The following VIT variants were observed in gnomAD, a reference collection of about 807,000 sequenced individuals.
VIT encodes vitrin.
In VIT, 99 loss-of-function variants were observed where a neutral mutation model predicts 78.0. That is an observed-to-expected ratio of 1.27 (90% CI 1.08 to 1.50). VIT has a LOEUF of 1.50. VIT is among the 40% of genes most tolerant of loss of function. The probability of loss-of-function intolerance (pLI) is 0.00; values close to 1 mark genes in which losing one functional copy is unlikely to be tolerated. For missense variants in VIT, 1,126 were observed against 875.3 expected, an observed-to-expected ratio of 1.29 and a Z score of -3.61; for synonymous variants, 374 against 334.3, an observed-to-expected ratio of 1.12 and a Z score of -1.29.
intron 12 of VIT, among the ~76,000 whole-genome samples, chr2:36,799,564 A>T (rs1040960992): frequency 2.0e-5 from 3 of 152,052 alleles, no homozygotes; most frequent in Admixed American, 6.6e-5. Context: ...CAAAAAATGA[A>T]AAAATTTGCT....
chr2:36,717,531 C>T (rs541437470), intron 2 of VIT, among the ~76,000 whole-genome samples: 205 of 152,146 alleles, frequency 1.3e-3, no homozygotes, highest in African/African-American at 2.0e-3. Context: ...CCACCGCACC[C>T]GGCCCAGAGA....
chr2:36,750,985 C>T (rs181023210), intron 4 of VIT, among the ~76,000 whole-genome samples: 3 of 152,154 alleles, frequency 2.0e-5, no homozygotes, highest in African/African-American at 4.8e-5. Context: ...TAGGGCTACG[C>T]GTGGTGGCTC....
chr2:36,719,582 A>G (rs1009979937), intron 2 of VIT, among the ~76,000 whole-genome samples: 3 of 152,192 alleles, frequency 2.0e-5, no homozygotes, highest in African/African-American at 7.2e-5. Flanking sequence ...ATAGTATCAA[A>G]AAAAAACTAC....
At chr2:36,702,946 C>A (rs74528341) in intron 1 of VIT, among the ~76,000 whole-genome samples, 2 of 152,172 alleles carry the variant, frequency 1.3e-5, no homozygotes, top group Non-Finnish European at 2.9e-5. Flanking sequence ...TCTGCCTAGG[C>A]TCCTCAGCCC....
intron 2 of VIT, 55 bp downstream of exon 2, chr2:36,716,477 A>C (rs1666144614): frequency 6.4e-7 from 1 of 1,563,582 alleles, no homozygotes; most frequent in Non-Finnish European, 8.8e-7. Context: ...CCTAAGATCC[A>C]AAGAATCTAG....
At chr2:36,787,839 T>C (rs1665213018) in intron 12 of VIT, 2 of 456,048 alleles carry the variant, frequency 4.4e-6, no homozygotes, top group Admixed American at 2.4e-5. Context: ...GAAGAATGGG[T>C]GGGAAGAGAG....
chr2:36,762,076 C>T (rs981921477), intron 6 of VIT, among the ~76,000 whole-genome samples: 4 of 152,100 alleles, frequency 2.6e-5, no homozygotes, highest in African/African-American at 4.8e-5. Flanking sequence ...AATGATAACT[C>T]GGATAATAAA....
intron 7 of VIT, 65 bp downstream of exon 7, chr2:36,767,350 A>G: frequency 1.4e-6 from 2 of 1,408,564 alleles, no homozygotes; most frequent in Non-Finnish European, 1.9e-6. Context: ...TTAGAGTAAC[A>G]GCTCTGTCTG....
chr2:36,796,279 A>G (rs1665896688), intron 12 of VIT, among the ~76,000 whole-genome samples: 1 of 152,254 alleles, frequency 6.6e-6, no homozygotes, highest in South Asian at 2.1e-4. Context: ...GCATATATTA[A>G]ATTCAATGTC....
At chr2:36,774,569 G>A (rs528094542) in intron 8 of VIT, 431 of 985,408 alleles carry the variant, frequency 4.4e-4, no homozygotes, top group Admixed American at 4.9e-4. Context: ...CTCTCCACAT[G>A]TTCTTAGAAA....
chr2:36,752,821 C>T (rs1668542895), intron 4 of VIT, among the ~76,000 whole-genome samples: 1 of 152,186 alleles, frequency 6.6e-6, no homozygotes, highest in Admixed American at 6.5e-5. Flanking sequence ...GACATAGAAG[C>T]AGAAATACCA....
intron 1 of VIT, among the ~76,000 whole-genome samples, chr2:36,715,555 A>G (rs1490078904): frequency 6.6e-6 from 1 of 152,118 alleles, no homozygotes; most frequent in African/African-American, 2.4e-5. Context: ...ATAAAAAAAA[A>G]AAAGATTTAA....
chr2:36,746,950 T>C (rs113648900), intron 4 of VIT, among the ~76,000 whole-genome samples: 1 of 152,152 alleles, frequency 6.6e-6, no homozygotes, highest in Non-Finnish European at 1.5e-5. Flanking sequence ...TACTATAAAA[T>C]TTCCACTCAA....
intron 12 of VIT, among the ~76,000 whole-genome samples, chr2:36,800,930 G>A (rs1310676757): frequency 6.6e-6 from 1 of 152,118 alleles, no homozygotes. Flanking sequence ...TCTGGGGTAG[G>A]CTGAGAACGC....
At chr2:36,814,101 C>A (rs1261583893) in intron 15 of VIT, 82 bp from the exon 16 acceptor site, 29 of 1,526,322 alleles carry the variant, frequency 1.9e-5, no homozygotes, top group Non-Finnish European at 2.6e-5. Flanking sequence ...TTGGCTGTGC[C>A]AACAGGGCCA....
At chr2:36,773,667 T>C (rs898308024) in intron 7 of VIT, 124 bp from the exon 8 acceptor site, 16 of 772,252 alleles carry the variant, frequency 2.1e-5, no homozygotes, top group Middle Eastern at 4.5e-4. Flanking sequence ...GAGGTTGCAG[T>C]GAGCTGAGAT....
At chr2:36,715,881 T>G (rs775598823) in intron 1 of VIT, among the ~76,000 whole-genome samples, 2 of 152,248 alleles carry the variant, frequency 1.3e-5, no homozygotes, top group African/African-American at 4.8e-5. Context: ...TGTAAGTCTT[T>G]CAAGGGTGAG....
chr2:36,716,322 T>C lies in VIT; in HGVS notation c.-18-31T>C. The C allele has an allele frequency of 3.1e-6, 5 of 1,592,950 alleles. No homozygotes were observed. The South Asian group carries it at 3.3e-5, about 11-fold the overall frequency. On this transcript the variant is annotated intron_variant, in intron 1 of 15. Transcript: ENST00000379242. ...TCCAAATCAGAACCCCCGGCTGAAA[T>C]ATGATGACGTTATTGTTTCTTTCTC...
chr2:36,802,844 T>C (rs1161658035), intron 13 of VIT, among the ~76,000 whole-genome samples: 1 of 152,066 alleles, frequency 6.6e-6, no homozygotes, highest in Non-Finnish European at 1.5e-5. Context: ...ACAGAAAGGG[T>C]TGGAATTTCA....
Sources: allele counts gnomAD v4.1 joint callset (sites outside exome capture counted in the v4.1 genomes callset), GRCh38; gene constraint gnomAD v4.1.1; transcripts MANE v1.5; gene names NCBI Gene and HGNC (gene_info 2026-07-23, HGNC 2026-07-21).